MOXD1: variants seen among roughly 807,000 people sequenced by gnomAD.
MOXD1 encodes DBH-like monooxygenase protein 1.
In MOXD1, 62 loss-of-function variants were observed where a neutral mutation model predicts 66.6. The observed-to-expected ratio is 0.93, with a 90% CI of 0.76 to 1.15. The LOEUF (loss-of-function observed/expected upper bound fraction) is 1.15. Ranked by LOEUF, MOXD1 falls within the 50% of genes most tolerant of loss-of-function variation. The pLI is 0.00. For missense variants in MOXD1, 847 were observed against 754.6 expected (o/e 1.12, Z -1.44); for synonymous variants, 303 against 281.9 (o/e 1.07, Z -0.75).
At chr6:132,396,966 T>G (rs1226454986) in intron 1 of MOXD1, among the ~76,000 whole-genome samples, 1 of 152,210 alleles carries the variant, frequency 6.6e-6, no homozygotes, top group Non-Finnish European at 1.5e-5. Context: ...GATGTTCAGA[T>G]AGAGTCTACA....
chr6:132,341,499 C>T (rs765135225), intron 4 of MOXD1, among the ~76,000 whole-genome samples: 2 of 152,202 alleles, frequency 1.3e-5, no homozygotes, highest in Admixed American at 6.5e-5. Context: ...CTTCCCAAAT[C>T]GCACTTTTCA....
At chr6:132,395,406 G>T (rs1463536455) in intron 1 of MOXD1, among the ~76,000 whole-genome samples, 1 of 151,720 alleles carries the variant, frequency 6.6e-6, no homozygotes, top group African/African-American at 2.4e-5. Flanking sequence ...AGACTAGAAG[G>T]TTACCACTAC....
chr6:132,377,387 A>T (rs1278282463), intron 1 of MOXD1, among the ~76,000 whole-genome samples: 1 of 152,212 alleles, frequency 6.6e-6, no homozygotes, highest in African/African-American at 2.4e-5. Flanking sequence ...AGTTTTTGCA[A>T]TACAATACAA....
intron 4 of MOXD1, among the ~76,000 whole-genome samples, chr6:132,338,234 C>T (rs762261213): frequency 1.3e-5 from 2 of 152,176 alleles, no homozygotes; most frequent in African/African-American, 2.4e-5. Flanking sequence ...CTGACCACCA[C>T]GTGATATACT....
chr6:132,327,856 C>T (rs903706731), intron 6 of MOXD1, among the ~76,000 whole-genome samples, 157 bp downstream of exon 6: 6 of 152,134 alleles, frequency 3.9e-5, no homozygotes, highest in African/African-American at 1.4e-4. Context: ...AAATAGTACC[C>T]ACTTTCACTT....
intron 4 of MOXD1, among the ~76,000 whole-genome samples, chr6:132,355,402 C>T (rs1180404274): frequency 6.6e-6 from 1 of 152,166 alleles, no homozygotes; most frequent in African/African-American, 2.4e-5. Context: ...AAAGTTCTCC[C>T]ACAAACTAGA....
intron 1 of MOXD1, among the ~76,000 whole-genome samples, chr6:132,388,287 T>C (rs2114689465): frequency 6.6e-6 from 1 of 151,488 alleles, no homozygotes; most frequent in South Asian, 2.1e-4. Flanking sequence ...AAATATGATC[T>C]CCCTTCTTCA....
At chr6:132,298,144 ATATT>A (rs1774452946) in intron 10 of MOXD1, among the ~76,000 whole-genome samples, 189 bp from the exon 11 acceptor site, 1 of 152,068 alleles carries the variant, frequency 6.6e-6, no homozygotes, top group African/African-American at 2.4e-5. Flanking sequence ...TTAAAGAATG[ATATT>A]TATTTTTTAG....
chr6:132,357,545 A>G (rs1188225254), intron 4 of MOXD1, among the ~76,000 whole-genome samples: 3 of 146,300 alleles, frequency 2.1e-5, no homozygotes, highest in African/African-American at 7.9e-5. Flanking sequence ...TTATAAAGGA[A>G]CTAATATACC....
In MOXD1 at chr6:132,324,081, A is replaced by G. The variant is rs1263143211; in HGVS notation, c.963T>C (p.Ser321=). Reference sequence around the variant, plus strand: ...CCATTGTGTAAAATAACCTCAGTCCAGAATTATCTATTAAGCCTAGAACAA... The same window carrying G: ...CCATTGTGTAAAATAACCTCAGTCCGGAATTATCTATTAAGCCTAGAACAA... ...PTYEEGLIDN[S]GLRLFYTMDI... Residue 321 remains serine, a synonymous_variant, in exon 7 of 12, where the codon TCT becomes TCC. Transcript: ENST00000367963. 2.5e-6 allele frequency: 4 copies of G among 1,613,266 alleles called. No individual in the cohort carries two copies. Among genetic ancestry groups the G allele is most frequent in the Non-Finnish European group, 3.4e-6 (4 of 1,179,654 alleles).
intron 10 of MOXD1, among the ~76,000 whole-genome samples, chr6:132,308,090 G>T (rs12209213): frequency 7.3e-6 from 1 of 136,618 alleles, no homozygotes; most frequent in Non-Finnish European, 1.6e-5. Context: ...GTGGTTTTTT[G>T]AAAAAAAAAA....
intron 1 of MOXD1, chr6:132,392,199 C>G (rs1355114975): frequency 3.2e-6 from 5 of 1,586,964 alleles, no homozygotes; most frequent in Non-Finnish European, 4.3e-6. Flanking sequence ...GATTTCAAAT[C>G]AGTTCCAAGC....
chr6:132,315,265 C>T lies in MOXD1; in HGVS notation c.1508+370G>A, dbSNP rs183592888. 6.4e-4 allele frequency among the ~76,000 whole-genome samples: 97 copies of T among 152,208 alleles called. 1 individual carries two copies. Among genetic ancestry groups the T allele is most frequent in the Non-Finnish European group, 1.5e-5 (1 of 68,036 alleles). On this transcript the variant is annotated intron_variant, in intron 10 of 11. Transcript: ENST00000367963. ...AATTTGATGATGGTGTAATTTGGTG[C>T]ATTCTGTGTGACTCCACTGGAAGAG... is the stretch of plus-strand genomic sequence containing the variant.
At chr6:132,307,833 C>A in intron 10 of MOXD1, among the ~76,000 whole-genome samples, 1 of 151,938 alleles carries the variant, frequency 6.6e-6, no homozygotes, top group East Asian at 1.9e-4. Flanking sequence ...AACAAAGAGA[C>A]AACGTACCAG....
At chr6:132,300,752 A>G (rs1275637203) in intron 10 of MOXD1, among the ~76,000 whole-genome samples, 1 of 152,212 alleles carries the variant, frequency 6.6e-6, no homozygotes, top group Non-Finnish European at 1.5e-5. Context: ...GCCAAGCCCA[A>G]TGGCGCGTAT....
intron 4 of MOXD1, 113 bp downstream of exon 4, chr6:132,372,495 A>C: frequency 1.0e-6 from 1 of 1,004,070 alleles, no homozygotes; most frequent in African/African-American, 1.6e-5. Flanking sequence ...TTCTCTAAAA[A>C]ACTTTCAAAT....
At chr6:132,330,689 C>A (rs1043524023) in intron 4 of MOXD1, among the ~76,000 whole-genome samples, 1 of 152,182 alleles carries the variant, frequency 6.6e-6, no homozygotes, top group Admixed American at 6.5e-5. Flanking sequence ...ATTCAGGCAC[C>A]GCATTTTAAA....
intron 10 of MOXD1, among the ~76,000 whole-genome samples, chr6:132,305,946 G>A (rs1045826071): frequency 6.6e-6 from 1 of 152,126 alleles, no homozygotes; most frequent in Admixed American, 6.5e-5. Context: ...AAAGGTCAGA[G>A]TGCCTCTTCT....
intron 1 of MOXD1, among the ~76,000 whole-genome samples, chr6:132,397,880 C>A (rs1359611346): frequency 3.3e-5 from 5 of 152,306 alleles, no homozygotes; most frequent in Non-Finnish European, 7.4e-5. Context: ...TTCAAGCTCT[C>A]ATCACTCTTT....
Sources: allele counts gnomAD v4.1 joint callset (sites outside exome capture counted in the v4.1 genomes callset), GRCh38; gene constraint gnomAD v4.1.1; transcripts MANE v1.5; gene names NCBI Gene and HGNC (gene_info 2026-07-23, HGNC 2026-07-21).